The following PMS1 variants were observed in gnomAD, a reference collection of about 807,000 sequenced individuals.
PMS1 encodes the protein PMS1 homolog 1, mismatch repair system component, also known as PMS1 protein homolog 1.
In PMS1, 79 loss-of-function variants were observed where a neutral mutation model predicts 93.1. That is an observed-to-expected ratio of 0.85 (90% CI 0.71 to 1.02). The LOEUF (loss-of-function observed/expected upper bound fraction) is 1.02, where lower values mean the gene tolerates loss of function less well. PMS1 is among the 50% of genes least tolerant of loss of function. PMS1 has a pLI of 0.00. For missense variants in PMS1, 1,064 were observed against 1,085.3 expected (o/e 0.98, Z 0.28); for synonymous variants, 335 against 363.4 (o/e 0.92, Z 0.89).
At chr2:189,830,883 C>G (rs573201744) in intron 5 of PMS1, among the ~76,000 whole-genome samples, 7 of 152,332 alleles carry the variant, frequency 4.6e-5, no homozygotes, top group South Asian at 2.1e-4. Flanking sequence ...CTCTCATACT[C>G]TAGACACTTC....
intron 4 of PMS1, among the ~76,000 whole-genome samples, chr2:189,808,601 G>C (rs993816395): frequency 6.6e-6 from 1 of 152,148 alleles, no homozygotes; most frequent in Non-Finnish European, 1.5e-5. Flanking sequence ...AAAGTGCTGG[G>C]ATTATAGGCG....
chr2:189,838,514 G>A (rs985220676), intron 5 of PMS1, among the ~76,000 whole-genome samples: 2 of 152,086 alleles, frequency 1.3e-5, no homozygotes, highest in African/African-American at 4.8e-5. Context: ...TTATCTTGTT[G>A]AGTGTTACTA....
intron 5 of PMS1, among the ~76,000 whole-genome samples, chr2:189,820,261 A>G (rs1279028489): frequency 6.6e-6 from 1 of 151,880 alleles, no homozygotes; most frequent in Non-Finnish European, 1.5e-5. Flanking sequence ...TTGAAACTTA[A>G]CATGCCTTCA....
intron 4 of PMS1, among the ~76,000 whole-genome samples, chr2:189,810,063 C>T (rs1289891065): frequency 6.6e-6 from 1 of 152,082 alleles, no homozygotes; most frequent in African/African-American, 2.4e-5. Flanking sequence ...TAGGAACTTA[C>T]TGACTAGTGG....
intron 1 of PMS1, among the ~76,000 whole-genome samples, chr2:189,788,195 T>C (rs1446817127): frequency 6.6e-6 from 1 of 152,246 alleles, no homozygotes; most frequent in Non-Finnish European, 1.5e-5. Flanking sequence ...TCAGTGTTTT[T>C]CTTAGATCCT....
intron 3 of PMS1, among the ~76,000 whole-genome samples, chr2:189,798,503 CTTTAT>C: frequency 6.6e-6 from 1 of 152,282 alleles, no homozygotes; most frequent in Non-Finnish European, 1.5e-5. Context: ...TCAGCACTCG[CTTTAT>C]TTGGAGTTCA....
intron 4 of PMS1, among the ~76,000 whole-genome samples, chr2:189,814,311 C>T (rs1199161608): frequency 6.6e-6 from 1 of 150,740 alleles, no homozygotes; most frequent in Non-Finnish European, 1.5e-5. Context: ...AGGAAGACCC[C>T]CCCCCAAAAA....
intron 5 of PMS1, among the ~76,000 whole-genome samples, chr2:189,832,785 A>G (rs2053066083): frequency 6.6e-6 from 1 of 152,170 alleles, no homozygotes; most frequent in African/African-American, 2.4e-5. Context: ...AGCTTCAAAT[A>G]TTGTCGTATT....
intron 6 of PMS1, among the ~76,000 whole-genome samples, chr2:189,851,883 A>G (rs528277953): frequency 5.3e-5 from 8 of 152,292 alleles, no homozygotes; most frequent in South Asian, 4.2e-4. Context: ...TATTCTTAAC[A>G]GTATAGGATG....
chr2:189,841,791 A>G (rs913064020), intron 5 of PMS1, among the ~76,000 whole-genome samples: 10 of 312 alleles, frequency 0.032, no homozygotes, highest in African/African-American at 0.12. Flanking sequence ...TGGTTAAACA[A>G]TGCAACTTCA....
At chr2:189,817,871 G>C in intron 4 of PMS1, 146 bp from the exon 5 acceptor site, 1 of 657,880 alleles carries the variant, frequency 1.5e-6, no homozygotes, top group South Asian at 1.6e-5. Flanking sequence ...AATCAGAGTA[G>C]TTTGCAAAGT....
chr2:189,828,300 A>T (rs1202316914), intron 5 of PMS1, among the ~76,000 whole-genome samples: 2 of 152,194 alleles, frequency 1.3e-5, no homozygotes, highest in African/African-American at 4.8e-5. Flanking sequence ...GTATTTCAAG[A>T]TATCTAGAAG....
At chr2:189,860,083 C>A (rs1193594083) in intron 9 of PMS1, among the ~76,000 whole-genome samples, 1 of 152,058 alleles carries the variant, frequency 6.6e-6, no homozygotes, top group Admixed American at 6.6e-5. Flanking sequence ...GTTTTTTTAA[C>A]TGGGTAAAAT....
At chr2:189,802,743 T>C (rs1235860449) in intron 3 of PMS1, among the ~76,000 whole-genome samples, 1 of 152,206 alleles carries the variant, frequency 6.6e-6, no homozygotes, top group Non-Finnish European at 1.5e-5. Flanking sequence ...CCTAATGTCA[T>C]TATGATGGTT....
intron 5 of PMS1, among the ~76,000 whole-genome samples, chr2:189,837,629 G>A (rs2053498050): frequency 6.6e-6 from 1 of 152,264 alleles, no homozygotes; most frequent in Admixed American, 6.5e-5. Context: ...ATTACAGTCT[G>A]GCAGTTCTTC....
intron 5 of PMS1, 122 bp downstream of exon 5, chr2:189,818,302 G>A: frequency 1.5e-6 from 1 of 679,940 alleles, no homozygotes; most frequent in South Asian, 1.8e-5. Flanking sequence ...AAATTTATTT[G>A]TTGAAAACCT....
chr2:189,803,850 G>A (rs1274280371), intron 3 of PMS1, among the ~76,000 whole-genome samples: 1 of 152,012 alleles, frequency 6.6e-6, no homozygotes, highest in East Asian at 1.9e-4. Context: ...TCTACAAATT[G>A]TAATTTTACA....
At position 189,860,800 on chromosome 2, in the gene PMS1, A is replaced by ATTTT. The variant is rs1158514130; in HGVS notation, c.1857-2907_1857-2904dup. On this transcript the variant is annotated intron_variant, in intron 9 of 12. Transcript: ENST00000441310. ...CTAAAATCTTCTATATCTTTGAGGA[A>ATTTT]TTTTTTTTTTTTTTTTTTTTTTTTT... Among the ~76,000 whole-genome samples, 24 of 41,024 alleles carry ATTTT rather than the reference A, an allele frequency of 5.9e-4. 3 individuals are homozygous for ATTTT. Among genetic ancestry groups the ATTTT allele is most frequent in the South Asian group, 1.1e-3 (1 of 924 alleles). 26.9% of individuals were successfully genotyped at this position (41,024 alleles called of 152,430 possible).
chr2:189,871,799 T>C (rs893840657), intron 11 of PMS1, among the ~76,000 whole-genome samples: 1 of 152,086 alleles, frequency 6.6e-6, no homozygotes, highest in Non-Finnish European at 1.5e-5. Flanking sequence ...AGGTAATGTA[T>C]AAAGAAATGA....
Sources: gnomAD v4.1 joint callset for allele counts (sites outside exome capture counted in the v4.1 genomes callset) on GRCh38, gnomAD v4.1.1 for gene constraint, MANE v1.5 for transcripts, NCBI Gene and HGNC (gene_info 2026-07-23, HGNC 2026-07-21) for gene names.